Variants in ANKFN1 observed in about 807,000 individuals in gnomAD.
ANKFN1 encodes ankyrin repeat and fibronectin type III domain containing 1.
A neutral mutation model predicts 108.7 loss-of-function variants in ANKFN1; 74 were observed. The ratio of observed to expected loss-of-function variants is 0.68; its 90% confidence interval spans 0.56 to 0.83. The LOEUF is 0.83. Among genes scored for constraint, ANKFN1 ranks in the 40% least tolerant of loss-of-function variants. ANKFN1 has a pLI of 0.00. For synonymous variants in ANKFN1, 547 were observed against 516.2 expected (o/e 1.06, Z -0.81); for missense variants, 1,505 against 1,382.3 (o/e 1.09, Z -1.41).
At chr17:56,329,605 T>C (rs1262937707) in intron 4 of ANKFN1, among the ~76,000 whole-genome samples, 2 of 152,154 alleles carry the variant, frequency 1.3e-5, no homozygotes, top group Non-Finnish European at 2.9e-5. Context: ...GAATCCCAGA[T>C]TTACTACTCT....
chr17:56,072,726 A>G (rs2143141959), intron 4 of ANKFN1, among the ~76,000 whole-genome samples: 1 of 152,356 alleles, frequency 6.6e-6, no homozygotes, highest in Admixed American at 6.5e-5. Flanking sequence ...GTCACCTAGC[A>G]CAGGCTCTGG....
chr17:56,175,620 T>TTG (rs908068083), intron 1 of ANKFN1, among the ~76,000 whole-genome samples: 64 of 152,268 alleles, frequency 4.2e-4, no homozygotes, highest in African/African-American at 1.5e-3. Flanking sequence ...CCCACCTGCC[T>TTG]TCACTGGATA....
At chr17:56,345,361 A>T (rs533848484) in intron 4 of ANKFN1, among the ~76,000 whole-genome samples, 23 of 152,286 alleles carry the variant, frequency 1.5e-4, no homozygotes, top group African/African-American at 5.5e-4. Flanking sequence ...ATACATGTGC[A>T]TGTGTCTTTA....
At chr17:56,335,781 C>T (rs1327352943) in intron 4 of ANKFN1, among the ~76,000 whole-genome samples, 1 of 151,986 alleles carries the variant, frequency 6.6e-6, no homozygotes, top group Non-Finnish European at 1.5e-5. Context: ...AGAGGGCATC[C>T]CTGTCTTGTG....
chr17:56,227,997 G>A, intron 3 of ANKFN1, 40 bp downstream of exon 3: 1 of 1,557,612 alleles, frequency 6.4e-7, no homozygotes, highest in Non-Finnish European at 8.7e-7. Context: ...CTACTTCTCA[G>A]CTGTAATTCC....
chr17:56,200,453 T>G (rs2143751437), intron 1 of ANKFN1, among the ~76,000 whole-genome samples: 1 of 152,320 alleles, frequency 6.6e-6, no homozygotes, highest in East Asian at 1.9e-4. Flanking sequence ...ATAGGAGTGG[T>G]TATCAAGCAT....
chr17:56,485,111 G>C (rs922266937), intron 18 of ANKFN1, among the ~76,000 whole-genome samples: 3 of 152,030 alleles, frequency 2.0e-5, no homozygotes, highest in Non-Finnish European at 4.4e-5. Flanking sequence ...AATATTCATT[G>C]AGTAACCTAC....
chr17:56,122,506 A>G (rs1236860475), intron 4 of ANKFN1, among the ~76,000 whole-genome samples: 1 of 152,152 alleles, frequency 6.6e-6, no homozygotes, highest in African/African-American at 2.4e-5. Flanking sequence ...CAGGATGTTA[A>G]TAAGCATGTG....
chr17:56,135,610 G>C (rs111275643), intron 4 of ANKFN1, among the ~76,000 whole-genome samples: 11 of 152,302 alleles, frequency 7.2e-5, no homozygotes, highest in African/African-American at 2.4e-4. Flanking sequence ...AGTGGGGCTT[G>C]AAAACAATTG....
chr17:56,399,842 TTTATA>T (rs1294308870), intron 8 of ANKFN1, among the ~76,000 whole-genome samples: 12 of 42,538 alleles, frequency 2.8e-4, no homozygotes, highest in Non-Finnish European at 4.1e-4. Context: ...TATTCCATTT[TTTATA>T]TATATATATA....
intron 4 of ANKFN1, among the ~76,000 whole-genome samples, chr17:56,110,217 C>A (rs1043918332): frequency 6.6e-6 from 1 of 152,218 alleles, no homozygotes; most frequent in African/African-American, 2.4e-5. Flanking sequence ...CTCGAGCCTT[C>A]TTCCCTGAAC....
chr17:56,369,319 A>G (rs2046748712), intron 6 of ANKFN1, among the ~76,000 whole-genome samples: 1 of 152,256 alleles, frequency 6.6e-6, no homozygotes, highest in Non-Finnish European at 1.5e-5. Flanking sequence ...GATAAGAAGC[A>G]CAGCATCAAT....
At chr17:56,349,945 C>A (rs777067869) in intron 4 of ANKFN1, among the ~76,000 whole-genome samples, 4 of 152,070 alleles carry the variant, frequency 2.6e-5, no homozygotes, top group African/African-American at 4.8e-5. Flanking sequence ...TATACACATG[C>A]CAGGCAGCCA....
chr17:56,516,736 A>G lies in ANKFN1; in HGVS notation c.*5467A>G, dbSNP rs949392244. On this transcript the variant is annotated 3_prime_UTR_variant, in exon 21 of 21. Transcript: ENST00000682825. ...AATGAGAATTAAGTTAATTTTTCTAATGGCAAGTATTTTTGGTAATTTCTT... is the reference window on the plus strand; with the variant it reads ...AATGAGAATTAAGTTAATTTTTCTAGTGGCAAGTATTTTTGGTAATTTCTT... Among the ~76,000 whole-genome samples, 4 of 152,342 alleles carry G rather than the reference A, an allele frequency of 2.6e-5. No individual in the cohort carries two copies. The highest frequency in any genetic ancestry group is 2.1e-4 in the South Asian group (1 of 4,826).
At chr17:56,255,971 C>T (rs997056276) in intron 3 of ANKFN1, among the ~76,000 whole-genome samples, 1 of 151,986 alleles carries the variant, frequency 6.6e-6, no homozygotes, top group Non-Finnish European at 1.5e-5. Context: ...ACCGGGAGTT[C>T]CAGACCAGCC....
intron 3 of ANKFN1, among the ~76,000 whole-genome samples, chr17:56,248,769 A>T (rs1247537745): frequency 2.0e-5 from 3 of 152,174 alleles, no homozygotes; most frequent in African/African-American, 7.2e-5. Context: ...TCTATTTAAC[A>T]CTTGTCATGG....
At position 56,337,599 on chromosome 17, in the gene ANKFN1, C is replaced by T. The variant is rs1251260289; in HGVS notation, c.188+11244C>T. On this transcript the variant is annotated intron_variant, in intron 4 of 20. Coordinates refer to ENST00000682825, the MANE Select transcript of ANKFN1 (RefSeq NM_001370326.1). ...AGGGCTAATATCCAAAGAACTGAAA[C>T]AAATTTACAAGAAAAAAAGCAACCC... Among the ~76,000 whole-genome samples the T allele has an allele frequency of 1.8e-4, 24 of 130,466 alleles. 1 individual carries two copies. The highest frequency in any genetic ancestry group is 4.0e-4 in the Non-Finnish European group (23 of 58,102). The allele number at this position is 130,466 out of a possible 152,430, so 85.6% of individuals were successfully genotyped here.
intron 3 of ANKFN1, among the ~76,000 whole-genome samples, chr17:56,292,884 C>T (rs1236607809): frequency 6.6e-6 from 1 of 152,208 alleles, no homozygotes; most frequent in Non-Finnish European, 1.5e-5. Flanking sequence ...TCATACTTTG[C>T]TCACCTGCCC....
intron 3 of ANKFN1, among the ~76,000 whole-genome samples, chr17:56,319,147 T>C (rs902765784): frequency 6.6e-6 from 1 of 152,184 alleles, no homozygotes; most frequent in Non-Finnish European, 1.5e-5. Flanking sequence ...CTTCAGTATT[T>C]TGACTAATCA....
Sources: gnomAD v4.1 joint callset for allele counts (sites outside exome capture counted in the v4.1 genomes callset) on GRCh38, gnomAD v4.1.1 for gene constraint, MANE v1.5 for transcripts, NCBI Gene and HGNC (gene_info 2026-07-23, HGNC 2026-07-21) for gene names.